Variants in GPD2 observed in about 807,000 individuals in gnomAD.
The protein encoded by GPD2 is glycerol-3-phosphate dehydrogenase 2, also known as glycerol-3-phosphate dehydrogenase, mitochondrial.
A neutral mutation model predicts 82.4 loss-of-function variants in GPD2; 54 were observed. The ratio of observed to expected loss-of-function variants is 0.66; its 90% CI spans 0.53 to 0.82. The LOEUF (loss-of-function observed/expected upper bound fraction) is 0.82. Among genes scored for constraint, GPD2 ranks in the 40% least tolerant of loss-of-function variants. GPD2 has a pLI of 0.00. For synonymous variants in GPD2, 288 were observed against 306.1 expected (o/e 0.94, Z 0.62); for missense variants, 748 against 896.2 (o/e 0.83, Z 2.11).
intron 1 of GPD2, among the ~76,000 whole-genome samples, chr2:156,453,613 G>A (rs755695564): frequency 1.1e-3 from 162 of 152,106 alleles, no homozygotes; most frequent in Non-Finnish European, 3.4e-4. Flanking sequence ...AATGATGGCC[G>A]GGCCTGTAAT....
intron 16 of GPD2, among the ~76,000 whole-genome samples, chr2:156,581,524 AT>A (rs912268252): frequency 6.6e-6 from 1 of 152,128 alleles, no homozygotes; most frequent in African/African-American, 2.4e-5. Flanking sequence ...AGCATTGCTT[AT>A]GTTACATCAT....
chr2:156,568,439 T>C (rs1320999435), intron 9 of GPD2, among the ~76,000 whole-genome samples: 1 of 152,152 alleles, frequency 6.6e-6, no homozygotes, highest in East Asian at 1.9e-4. Flanking sequence ...AGATGTATTC[T>C]AGAAGGAAAT....
chr2:156,553,828 A>T (rs1044353157), intron 8 of GPD2, among the ~76,000 whole-genome samples: 1 of 152,242 alleles, frequency 6.6e-6, no homozygotes, highest in African/African-American at 2.4e-5. Context: ...GTAATATTTT[A>T]AAAATTCTGA....
upstream of GPD2, among the ~76,000 whole-genome samples, chr2:156,431,971 C>T (rs529591589): frequency 2.0e-5 from 3 of 148,938 alleles, no homozygotes; most frequent in African/African-American, 7.4e-5. Flanking sequence ...ACTGCAACCT[C>T]TGCCTCCCGG....
intron 6 of GPD2, among the ~76,000 whole-genome samples, chr2:156,543,835 C>G (rs1461952277): frequency 1.3e-5 from 2 of 152,062 alleles, no homozygotes; most frequent in Admixed American, 1.3e-4. Context: ...TTATTTATTC[C>G]CTTATTCAGG....
At chr2:156,471,332 G>A (rs1683319449) in intron 1 of GPD2, among the ~76,000 whole-genome samples, 1 of 152,110 alleles carries the variant, frequency 6.6e-6, no homozygotes, top group South Asian at 2.1e-4. Flanking sequence ...GTCTTCGTAA[G>A]CTTCAACACT....
chr2:156,484,010 T>TTA (rs1241718901), intron 2 of GPD2, among the ~76,000 whole-genome samples: 20 of 133,012 alleles, frequency 1.5e-4, no homozygotes, highest in African/African-American at 5.6e-4. Context: ...TTTTTTTTTT[T>TTA]TACCAGATTG....
intron 9 of GPD2, 57 bp from the exon 10 acceptor site, chr2:156,568,767 AT>A: frequency 1.3e-6 from 2 of 1,497,306 alleles, no homozygotes; most frequent in East Asian, 2.3e-5. Context: ...ACTGTTTAAT[AT>A]TTTTATCAAA....
chr2:156,522,390 G>A lies in GPD2; in HGVS notation c.661+8894G>A, dbSNP rs568840894. ...GCTAAAAATTCTCCAGTAGTAGGATGTATGTAAGTTGTTTGAACAGATAGT... is the reference window on the plus strand; with the variant it reads ...GCTAAAAATTCTCCAGTAGTAGGATATATGTAAGTTGTTTGAACAGATAGT... On this transcript the variant is annotated intron_variant, in intron 6 of 16. Transcript: ENST00000438166. Among the ~76,000 whole-genome samples, 5 of 152,308 alleles carry A rather than the reference G, an allele frequency of 3.3e-5. No individual in the cohort carries two copies. In the South Asian group the frequency reaches 6.2e-4, roughly 19 times the overall value.
At chr2:156,529,498 C>T (rs1685758436) in intron 6 of GPD2, among the ~76,000 whole-genome samples, 1 of 150,464 alleles carries the variant, frequency 6.6e-6, no homozygotes, top group Non-Finnish European at 1.5e-5. Flanking sequence ...GTGTTTTAGA[C>T]ATGAAGTCCT....
At chr2:156,507,478 A>G (rs1427279307) in intron 3 of GPD2, among the ~76,000 whole-genome samples, 1 of 151,920 alleles carries the variant, frequency 6.6e-6, no homozygotes, top group Non-Finnish European at 1.5e-5. Flanking sequence ...ACATGCCACT[A>G]TGCCCGGCTA....
chr2:156,507,616 C>T (rs1198326136), intron 3 of GPD2, among the ~76,000 whole-genome samples: 1 of 152,148 alleles, frequency 6.6e-6, no homozygotes, highest in African/African-American at 2.4e-5. Context: ...GCCACTCACA[C>T]CTGGCCACAT....
At position 156,510,835 on chromosome 2, in the gene GPD2, C is replaced by A; in HGVS notation, c.314C>A (p.Ser105Ter). The change falls in exon 4 of 17, where the codon TCA (serine) becomes TAA (stop). Residue 105 changes from serine to a stop codon, truncating the protein, a stop_gained. Coordinates refer to ENST00000438166, the MANE Select transcript of GPD2 (RefSeq NM_000408.5). LOFTEE classifies it high-confidence loss of function. ...TALVERDDFS[S>*]GTSSRSTKLI... ...CTTGTAGAAAGAGATGATTTCTCAT[C>A]AGGGACCAGCAGCAGAAGCACTAAA... is the stretch of plus-strand genomic sequence containing the variant. The A allele has an allele frequency of 6.2e-7, 1 of 1,612,542 alleles. No individual in the cohort carries two copies. The highest frequency in any genetic ancestry group is 8.5e-7 in the Non-Finnish European group (1 of 1,178,574).
At chr2:156,489,239 A>G (rs912952691) in intron 2 of GPD2, among the ~76,000 whole-genome samples, 7 of 152,258 alleles carry the variant, frequency 4.6e-5, no homozygotes, top group Admixed American at 3.9e-4. Context: ...TAGCAGATTT[A>G]TCTCAGATAG....
At chr2:156,549,978 T>C (rs1326865945) in intron 7 of GPD2, among the ~76,000 whole-genome samples, 1 of 152,236 alleles carries the variant, frequency 6.6e-6, no homozygotes, top group Non-Finnish European at 1.5e-5. Flanking sequence ...TGTATTATAG[T>C]TGTAATAATG....
intron 2 of GPD2, among the ~76,000 whole-genome samples, chr2:156,489,730 C>T (rs186137): frequency 2.0e-4 from 14 of 69,418 alleles, no homozygotes; most frequent in Admixed American, 5.8e-4. Flanking sequence ...CTTCCTCCCT[C>T]CCTCCCTCCC....
the GPD2 span, among the ~76,000 whole-genome samples, chr2:156,426,214 C>A: frequency 6.6e-6 from 1 of 152,304 alleles, no homozygotes; most frequent in South Asian, 2.1e-4. Context: ...TGAGCCACCA[C>A]GCCCGGCCAA....
intron 2 of GPD2, among the ~76,000 whole-genome samples, chr2:156,487,266 C>T (rs995132804): frequency 3.3e-5 from 5 of 152,168 alleles, no homozygotes; most frequent in Non-Finnish European, 5.9e-5. Flanking sequence ...GAGCTAAGGT[C>T]ATGCCACTGC....
chr2:156,450,014 GA>G lies in GPD2; in HGVS notation c.-9+13502del, dbSNP rs1261912698. ...TGACAGAGTGAGACTCTGTCTCAAA[GA>G]GAAAAAAGCATAGAAAGAAGTGGAT... On this transcript the variant is annotated intron_variant, in intron 1 of 16. Coordinates refer to ENST00000438166, the MANE Select transcript of GPD2 (RefSeq NM_000408.5). Among the ~76,000 whole-genome samples the G allele has an allele frequency of 5.6e-4, 5 of 8,964 alleles. No individual in the cohort carries two copies. The East Asian group carries it at 0.36, about 640-fold the overall frequency. 5.9% of individuals were successfully genotyped at this position (8,964 alleles called of 152,430 possible). A position where few individuals can be genotyped will look rare whatever the true frequency, so the allele number is the denominator to read the frequency against.
Sources: allele counts gnomAD v4.1 joint callset (sites outside exome capture counted in the v4.1 genomes callset), GRCh38; gene constraint gnomAD v4.1.1; transcripts MANE v1.5; gene names NCBI Gene and HGNC (gene_info 2026-07-23, HGNC 2026-07-21).